Variants in FAAP100 observed in about 807,000 individuals in gnomAD.
FAAP100 encodes Fanconi anemia core complex-associated protein 100.
FAAP100 carries 46 observed loss-of-function variants against 65.8 expected under a neutral mutation model. That is an observed-to-expected ratio of 0.70 (90% confidence interval 0.55 to 0.89). The LOEUF (loss-of-function observed/expected upper bound fraction) is 0.89, where lower values mean the gene tolerates loss of function less well. FAAP100 is among the 40% of genes least tolerant of loss of function. FAAP100 has a pLI of 0.00. For missense variants in FAAP100, 1,165 were observed against 1,196.7 expected (o/e 0.97, Z 0.39); for synonymous variants, 663 against 555.1 (o/e 1.19, Z -2.73).
At chr17:81,546,144 T>C (rs1045488312) in intron 5 of FAAP100, among the ~76,000 whole-genome samples, 4 of 152,232 alleles carry the variant, frequency 2.6e-5, no homozygotes, top group Admixed American at 2.6e-4. Context: ...AAACCTCACT[T>C]TGGGGGACCT....
At position 81,550,907 on chromosome 17, in the gene FAAP100, A is replaced by G. The variant is rs778626991; in HGVS notation, c.587T>C (p.Val196Ala). The G allele has an allele frequency of 6.2e-7, 1 of 1,612,540 alleles. No individual in the cohort carries two copies. Among genetic ancestry groups the G allele is most frequent in the South Asian group, 1.1e-5 (1 of 91,014 alleles). The change falls in exon 3 of 9, where the codon GTG (valine) becomes GCG (alanine). Residue 196 changes from valine (V) to alanine (A), a missense_variant. Coordinates refer to ENST00000327787, the MANE Select transcript of FAAP100 (RefSeq NM_025161.6). ...GCCTGATGGTGACACAGAGCACAGC[A>G]CTGGAAGGAAGTGGGGGGCTGCAGG... ...GKPAAPHFLPVLCSVSPSGSR... is the reference protein window; with the variant it reads ...GKPAAPHFLPALCSVSPSGSR...
chr17:81,549,454 G>A, intron 3 of FAAP100, 92 bp from the exon 4 acceptor site: 1 of 1,463,870 alleles, frequency 6.8e-7, no homozygotes. Flanking sequence ...CAGGAAAGAA[G>A]TTGGAAGACG....
At position 81,540,458 on chromosome 17, in the gene FAAP100, C is replaced by T. The variant is rs951123069; in HGVS notation, c.*361G>A. 1 of 404,324 alleles carries T rather than the reference C, an allele frequency of 2.5e-6. No individual in the cohort carries two copies. 25.0% of individuals were successfully genotyped at this position (404,324 alleles called of 1,614,324 possible). On this transcript the variant is annotated 3_prime_UTR_variant, in exon 9 of 9. Coordinates refer to ENST00000327787, the MANE Select transcript of FAAP100 (RefSeq NM_025161.6). ...TCCTGTTTCTCTGGCCCTCCGGGTC[C>T]AGAATGCCCTGCACTGCCTCCTGGC...
Position 81,547,168 on chromosome 17 carries a change from A to G in FAAP100, c.1914T>C (p.Val638=), listed in dbSNP as rs374479664. The G allele has an allele frequency of 1.5e-4, 234 of 1,546,092 alleles. No individual in the cohort carries two copies. Among genetic ancestry groups the G allele is most frequent in the Non-Finnish European group, 1.8e-4 (209 of 1,144,002 alleles). The change falls in exon 5 of 9, where the codon GTT becomes GTC. Residue 638 remains valine (V), a synonymous_variant. Transcript: ENST00000327787. ...PSDVLPEQEG[V]CLPLSRHTVD... Reference sequence around the variant, plus strand: ...CTGTGTGCCTGCTCAGGGGCAGGCAAACACCCTCTTGCTCGGGCAGGACGT... The same window carrying G: ...CTGTGTGCCTGCTCAGGGGCAGGCAGACACCCTCTTGCTCGGGCAGGACGT...
At position 81,540,144 on chromosome 17, in the gene FAAP100, T is replaced by A. The variant is rs8055; in HGVS notation, c.*675A>T. 2 of 398,810 alleles carry A rather than the reference T, an allele frequency of 5.0e-6. No individual in the cohort carries two copies. Among genetic ancestry groups the A allele is most frequent in the Non-Finnish European group, 8.8e-6 (2 of 226,098 alleles). 24.7% of individuals were successfully genotyped at this position (398,810 alleles called of 1,614,324 possible). A position where few individuals can be genotyped will look rare whatever the true frequency, so the allele number is the denominator to read the frequency against. On this transcript the variant is annotated 3_prime_UTR_variant, in exon 9 of 9. Coordinates refer to ENST00000327787, the MANE Select transcript of FAAP100 (RefSeq NM_025161.6). ...GCACAGTGCTGGGTACTGCCCCGGCTGGAGGCACCTAGTTGTTGAGCATTC... is the reference window on the plus strand; with the variant it reads ...GCACAGTGCTGGGTACTGCCCCGGCAGGAGGCACCTAGTTGTTGAGCATTC...
intron 7 of FAAP100, among the ~76,000 whole-genome samples, chr17:81,542,961 A>AC (rs972395493): frequency 1.3e-5 from 2 of 152,022 alleles, no homozygotes; most frequent in Non-Finnish European, 2.9e-5. Context: ...TCAGGACTAG[A>AC]CCCCCAAGCC....
chr17:81,541,206 G>A (rs376222537), intron 8 of FAAP100, 103 bp downstream of exon 8: 13 of 1,316,178 alleles, frequency 9.9e-6, no homozygotes, highest in South Asian at 1.3e-5. Context: ...AAGCCCATGC[G>A]CTGTGAGGAC....
chr17:81,548,802 G>C (rs186203528), intron 4 of FAAP100, among the ~76,000 whole-genome samples: 2 of 152,048 alleles, frequency 1.3e-5, no homozygotes, highest in East Asian at 3.9e-4. Context: ...CACTTTGGGA[G>C]GCTGAGGCAG....
rs1353222651 is a variant in FAAP100, at chr17:81,550,766, C to T, written c.728G>A (p.Cys243Tyr). Residue 243 changes from cysteine (C) to tyrosine (Y), a missense_variant, in exon 3 of 9, where the codon TGT becomes TAT. Physicochemically the swap from Cys to Tyr is radical, Grantham distance 194. Transcript: ENST00000327787. ...ATLLQSPVVL[C>Y]GLPDGQLCCV... Reference sequence around the variant, plus strand: ...GCAGAGCTGGCCATCAGGGAGACCACAGAGGACCACAGGTGACTGCAGGAG... The same window carrying T: ...GCAGAGCTGGCCATCAGGGAGACCATAGAGGACCACAGGTGACTGCAGGAG... The T allele has an allele frequency of 1.2e-6, 2 of 1,612,504 alleles. No homozygotes were observed. The highest frequency in any genetic ancestry group is 1.7e-6 in the Non-Finnish European group (2 of 1,179,700).
Position 81,539,952 on chromosome 17 carries a change from T to A in FAAP100, c.*867A>T, listed in dbSNP as rs920128597. On this transcript the variant is annotated 3_prime_UTR_variant, in exon 9 of 9. Transcript: ENST00000327787. ...AGCACCTCACGGCTCCTACCCGCACTCATCGCGGACAGTGCCTGCAGCGGG... is the reference window on the plus strand; with the variant it reads ...AGCACCTCACGGCTCCTACCCGCACACATCGCGGACAGTGCCTGCAGCGGG... 5 of 398,376 alleles carry A rather than the reference T, an allele frequency of 1.3e-5. No individual in the cohort carries two copies. Among genetic ancestry groups the A allele is most frequent in the Non-Finnish European group, 1.8e-5 (4 of 226,012 alleles). 24.7% of individuals were successfully genotyped at this position (398,376 alleles called of 1,614,324 possible). A position where few individuals can be genotyped will look rare whatever the true frequency, so the allele number is the denominator to read the frequency against.
chr17:81,542,787 CTG>C (rs1162184158), intron 7 of FAAP100, among the ~76,000 whole-genome samples: 3 of 152,236 alleles, frequency 2.0e-5, no homozygotes, highest in African/African-American at 7.2e-5. Flanking sequence ...CCCCACACGA[CTG>C]TGTCCTTGTA....
rs142183217 is a variant in FAAP100 at position 81,544,079 on chromosome 17, G to C, written c.2352C>G (p.Ala784=). The C allele has an allele frequency of 6.2e-7, 1 of 1,612,496 alleles. No homozygotes were observed. The highest frequency in any genetic ancestry group is 8.5e-7 in the Non-Finnish European group (1 of 1,179,818). ...AGGAGCTTTCCACTTGAATCTCCAC[G>C]GCCTGGATGGGCCCTGCTGGGCACA... ...TDLCPAGPIQ[A]VEIQVESSSL... Residue 784 remains alanine (A), a synonymous_variant, in exon 7 of 9, where the codon GCC becomes GCG. Transcript: ENST00000327787.
chr17:81,545,170 A>G (rs1157793683), intron 6 of FAAP100, among the ~76,000 whole-genome samples: 1 of 152,130 alleles, frequency 6.6e-6, no homozygotes, highest in Non-Finnish European at 1.5e-5. Context: ...CCTTGTCTCA[A>G]AGAAAACCAA....
upstream of FAAP100, chr17:81,552,458 G>C: frequency 1.1e-6 from 1 of 911,192 alleles, no homozygotes; most frequent in East Asian, 3.4e-5. Context: ...GCCGGGGGCG[G>C]GCCGGAAAGG....
chr17:81,546,020 CCACCCTAAGCTGCGGCGTGG>C, intron 5 of FAAP100, 138 bp from the exon 6 acceptor site: 2 of 1,194,574 alleles, frequency 1.7e-6, no homozygotes, highest in Non-Finnish European at 2.2e-6. Flanking sequence ...GTCCCCAGCC[CCACCCTAAGCTGCGGCGTGG>C]CCAGCTGACC....
In FAAP100 at chr17:81,547,543, G is replaced by C; in HGVS notation, c.1539C>G (p.Thr513=). ...CATCCTGTGTCTGCAGGCGGCTCCA[G>C]GTGGTGCTGGTGGTGCAGGAGATGG... ...PRPISCTTST[T]WSRLQTQDVL... The change falls in exon 5 of 9, where the codon ACC becomes ACG. Residue 513 remains threonine (T), a synonymous_variant. Transcript: ENST00000327787. 1.9e-6 allele frequency: 3 copies of C among 1,613,486 alleles called. No individual in the cohort carries two copies. The highest frequency in any genetic ancestry group is 2.5e-6 in the Non-Finnish European group (3 of 1,180,016).
In FAAP100 at chr17:81,540,072, G is replaced by GCC; in HGVS notation, c.*745_*746dup. ...AGGAGGCTGGGGGCTGGGGCTCAGGGCCCCCCCCCGGGCCACAGCGCCACC... is the reference window on the plus strand; with the variant it reads ...AGGAGGCTGGGGGCTGGGGCTCAGGGCCCCCCCCCCCGGGCCACAGCGCCACC... On this transcript the variant is annotated 3_prime_UTR_variant, in exon 9 of 9. Coordinates refer to ENST00000327787, the MANE Select transcript of FAAP100 (RefSeq NM_025161.6). The GCC allele has an allele frequency of 2.9e-6, 1 of 340,576 alleles. No homozygotes were observed. The highest frequency in any genetic ancestry group is 3.9e-5 in the East Asian group (1 of 25,814). The allele number at this position is 340,576 out of a possible 1,614,324, so 21.1% of individuals were successfully genotyped here.
At chr17:81,552,479 G>T, upstream of FAAP100, 3 of 688,036 alleles carry the variant, frequency 4.4e-6, no homozygotes, top group South Asian at 6.8e-5. Context: ...ACGCGCTGCA[G>T]GGACTCCGGG....
rs1002477991 is a variant in FAAP100, at chr17:81,540,075, C to A, written c.*744G>T. On this transcript the variant is annotated 3_prime_UTR_variant, in exon 9 of 9. Coordinates refer to ENST00000327787, the MANE Select transcript of FAAP100 (RefSeq NM_025161.6). ...AGGCTGGGGGCTGGGGCTCAGGGCC[C>A]CCCCCCGGGCCACAGCGCCACCCTG... 2.9e-6 allele frequency: 1 copy of A among 341,010 alleles called. No individual in the cohort carries two copies. The highest frequency in any genetic ancestry group is 5.1e-6 in the Non-Finnish European group (1 of 196,118). The allele number at this position is 341,010 out of a possible 1,614,324, so 21.1% of individuals were successfully genotyped here. A position where few individuals can be genotyped will look rare whatever the true frequency, so the allele number is the denominator to read the frequency against.
Sources: gnomAD v4.1 joint callset for allele counts (sites outside exome capture counted in the v4.1 genomes callset) on GRCh38, gnomAD v4.1.1 for gene constraint, MANE v1.5 for transcripts, NCBI Gene and HGNC (gene_info 2026-07-23, HGNC 2026-07-21) for gene names.